The following CERS6 variants were observed in gnomAD, a reference collection of about 807,000 sequenced individuals.
The protein encoded by CERS6 is ceramide synthase 6.
Under a neutral mutation model 56.8 loss-of-function variants are expected in CERS6, and 26 were observed. The ratio of observed to expected loss-of-function variants is 0.46; its 90% CI spans 0.34 to 0.63. The LOEUF is 0.63. Ranked by LOEUF, CERS6 falls within the 30% of genes least tolerant of loss-of-function variation. The pLI, the probability that CERS6 is intolerant of heterozygous loss-of-function variation, is 0.01. For synonymous variants in CERS6, 164 were observed against 173.3 expected, an observed-to-expected ratio of 0.95 and a Z score of 0.42; for missense variants, 415 against 467.5, an observed-to-expected ratio of 0.89 and a Z score of 1.04.
chr2:168,503,387 G>A (rs113150033), intron 1 of CERS6, among the ~76,000 whole-genome samples: 6 of 152,276 alleles, frequency 3.9e-5, no homozygotes, highest in African/African-American at 1.4e-4. Context: ...AGGATAAGAG[G>A]GTTAAGGAGG....
At chr2:168,763,588 G>A (rs1035086555) in intron 8 of CERS6, among the ~76,000 whole-genome samples, 1 of 151,912 alleles carries the variant, frequency 6.6e-6, no homozygotes, top group African/African-American at 2.4e-5. Context: ...AATTCACAAA[G>A]TACTTTTCTA....
At chr2:168,458,471 A>G (rs933988197) in intron 1 of CERS6, among the ~76,000 whole-genome samples, 4 of 152,060 alleles carry the variant, frequency 2.6e-5, no homozygotes, top group South Asian at 2.1e-4. Flanking sequence ...ATAGTTGAAA[A>G]CTGGAAGTTC....
At chr2:168,720,229 C>G (rs1238269986) in intron 8 of CERS6, among the ~76,000 whole-genome samples, 1 of 151,850 alleles carries the variant, frequency 6.6e-6, no homozygotes, top group Non-Finnish European at 1.5e-5. Context: ...CGTGCCTGGC[C>G]CAAAATACTA....
intron 8 of CERS6, among the ~76,000 whole-genome samples, chr2:168,724,675 T>C (rs944947044): frequency 4.0e-5 from 6 of 151,108 alleles, no homozygotes; most frequent in African/African-American, 7.3e-5. Context: ...AGAGTGTCGA[T>C]TGGTGCATTC....
chr2:168,683,952 C>T (rs752168382), intron 4 of CERS6, among the ~76,000 whole-genome samples: 2 of 152,166 alleles, frequency 1.3e-5, no homozygotes, highest in East Asian at 1.9e-4. Flanking sequence ...ATGCCACTCA[C>T]GTTTTCCATC....
chr2:168,579,522 CTG>C (rs1433361053), intron 3 of CERS6, among the ~76,000 whole-genome samples: 1 of 152,134 alleles, frequency 6.6e-6, no homozygotes, highest in Admixed American at 6.6e-5. Flanking sequence ...TCAGAGTTAT[CTG>C]TGCATTCCAT....
At chr2:168,694,401 T>TGG (rs1323045956) in intron 5 of CERS6, among the ~76,000 whole-genome samples, 1 of 152,214 alleles carries the variant, frequency 6.6e-6, no homozygotes, top group Non-Finnish European at 1.5e-5. Context: ...TGGTATCTCC[T>TGG]GGCAGCCTTC....
At chr2:168,676,808 G>A (rs1002396394) in intron 4 of CERS6, among the ~76,000 whole-genome samples, 3 of 152,100 alleles carry the variant, frequency 2.0e-5, no homozygotes, top group African/African-American at 4.8e-5. Flanking sequence ...ATGTTTACTC[G>A]AGGGTAGAGG....
At chr2:168,704,836 G>T (rs969934001) in intron 6 of CERS6, among the ~76,000 whole-genome samples, 2 of 152,168 alleles carry the variant, frequency 1.3e-5, no homozygotes, top group African/African-American at 4.8e-5. Context: ...CTGACCTTGT[G>T]ATCTGCCTGC....
rs935374833 is a variant in CERS6 at position 168,763,242 on chromosome 2, T to C, written c.846-2350T>C. 7.5e-4 allele frequency among the ~76,000 whole-genome samples: 59 copies of C among 79,052 alleles called. No homozygotes were observed. In the South Asian group the frequency reaches 0.011, roughly 14 times the overall value. 51.9% of individuals were successfully genotyped at this position (79,052 alleles called of 152,430 possible). ...TAATTGTTTCTCTCTCTCTCTCTCT[T>C]TTTTTTTTTTTTTTTTTGAGACAGA... On this transcript the variant is annotated intron_variant, in intron 8 of 9. Transcript: ENST00000305747.
rs779025823 is a variant in CERS6 at position 168,695,042 on chromosome 2, C to G, written c.600C>G (p.Ile200Met). ...WSLMFSQFTD[I>M]KRKDFGIMFL... is the part of the protein sequence containing the mutation. The stretch of plus-strand genomic sequence containing the variant: ...TGATGTTTTCTCAGTTCACTGATAT[C>G]AAAAGAAAGGTAAGAGCGGTTATGT... Residue 200 changes from isoleucine to methionine, a missense_variant, in exon 6 of 10, where the codon ATC (isoleucine) becomes ATG (methionine). Ile to Met is a conservative substitution (Grantham distance 10, BLOSUM62 1). Transcript: ENST00000305747. 1.2e-6 allele frequency: 2 copies of G among 1,611,718 alleles called. No homozygotes were observed. The highest frequency in any genetic ancestry group is 2.2e-5 in the East Asian group (1 of 44,848).
chr2:168,466,601 G>T (rs1385031338), intron 1 of CERS6, among the ~76,000 whole-genome samples: 1 of 152,194 alleles, frequency 6.6e-6, no homozygotes, highest in Non-Finnish European at 1.5e-5. Flanking sequence ...GAAGTTTAAT[G>T]TTTGGTCATT....
intron 4 of CERS6, among the ~76,000 whole-genome samples, chr2:168,665,948 T>TGTG (rs1685746965): frequency 9.2e-6 from 1 of 108,258 alleles, no homozygotes; most frequent in Admixed American, 1.2e-4. Context: ...AAAAAATTAG[T>TGTG]AGACTGTGTG....
chr2:168,594,415 G>C (rs1007489521), intron 3 of CERS6, among the ~76,000 whole-genome samples: 7 of 152,048 alleles, frequency 4.6e-5, no homozygotes, highest in African/African-American at 1.4e-4. Context: ...GGAGACTCCT[G>C]TCTCTACCAA....
At chr2:168,734,340 G>A (rs1321540898) in intron 8 of CERS6, among the ~76,000 whole-genome samples, 1 of 152,194 alleles carries the variant, frequency 6.6e-6, no homozygotes, top group Non-Finnish European at 1.5e-5. Flanking sequence ...CAGATTCTGA[G>A]GGCACTGCTG....
intron 4 of CERS6, among the ~76,000 whole-genome samples, chr2:168,642,987 A>G (rs1228246649): frequency 2.0e-5 from 3 of 152,368 alleles, no homozygotes; most frequent in Admixed American, 1.3e-4. Flanking sequence ...AATAGGATGC[A>G]TGATGTTCAG....
At chr2:168,644,320 T>A (rs940595139) in intron 4 of CERS6, 1 of 984,688 alleles carries the variant, frequency 1.0e-6, no homozygotes. Flanking sequence ...TAATAGAAAG[T>A]GGTAAGTCTG....
chr2:168,703,227 T>C (rs1686847080), intron 6 of CERS6, among the ~76,000 whole-genome samples: 1 of 152,206 alleles, frequency 6.6e-6, no homozygotes, highest in Non-Finnish European at 1.5e-5. Context: ...TGTGTGAGAA[T>C]GGCTGGTCTG....
intron 8 of CERS6, among the ~76,000 whole-genome samples, chr2:168,744,542 G>A (rs2105435277): frequency 1.3e-5 from 2 of 152,344 alleles, no homozygotes; most frequent in East Asian, 3.9e-4. Flanking sequence ...CTCAGTAAAG[G>A]AGGGTGAGGA....
Sources: gnomAD v4.1 joint callset for allele counts (sites outside exome capture counted in the v4.1 genomes callset) on GRCh38, gnomAD v4.1.1 for gene constraint, MANE v1.5 for transcripts, NCBI Gene and HGNC (gene_info 2026-07-23, HGNC 2026-07-21) for gene names.